The following CADPS2 variants were observed in gnomAD, a reference collection of about 807,000 sequenced individuals.
CADPS2 encodes calcium dependent secretion activator 2.
Under a neutral mutation model 172.5 loss-of-function variants are expected in CADPS2, and 93 were observed. The ratio of observed to expected loss-of-function variants is 0.54; its 90% CI spans 0.46 to 0.64. The LOEUF is 0.64. CADPS2 is among the 30% of genes least tolerant of loss of function. The probability of loss-of-function intolerance (pLI) is 0.00; values close to 1 mark genes in which losing one functional copy is unlikely to be tolerated. For synonymous variants in CADPS2, 546 were observed against 555.2 expected, an observed-to-expected ratio of 0.98 and a Z score of 0.23; for missense variants, 1,420 against 1,565.9, an observed-to-expected ratio of 0.91 and a Z score of 1.57.
chr7:122,323,240 T>C (rs576673381), intron 29 of CADPS2, among the ~76,000 whole-genome samples: 10 of 152,126 alleles, frequency 6.6e-5, no homozygotes, highest in Non-Finnish European at 1.3e-4. Flanking sequence ...ATTAAATGTA[T>C]CAGCCCAAGA....
chr7:122,351,911 A>G (rs957821216), intron 27 of CADPS2, among the ~76,000 whole-genome samples: 4 of 152,212 alleles, frequency 2.6e-5, no homozygotes, highest in African/African-American at 9.6e-5. Context: ...AGTATGTTAC[A>G]TTTTATTATA....
At chr7:122,424,913 G>C (rs2048960503) in intron 17 of CADPS2, among the ~76,000 whole-genome samples, 1 of 151,796 alleles carries the variant, frequency 6.6e-6, no homozygotes, top group Admixed American at 6.6e-5. Context: ...CTGTGTTATA[G>C]GATTTTAATG....
chr7:122,604,070 G>T (rs1274996790), intron 6 of CADPS2, among the ~76,000 whole-genome samples: 2 of 151,942 alleles, frequency 1.3e-5, no homozygotes, highest in East Asian at 1.9e-4. Flanking sequence ...ATCTTTATTT[G>T]TTAAGTAGAT....
At position 122,803,478 on chromosome 7, in the gene CADPS2, T is replaced by C. The variant is rs544726761; in HGVS notation, c.340-66410A>G. ...AAAGAACGCTACATTGCTGCCTCTG[T>C]GACACAGAGCTTGCCATTTTCTATG... On this transcript the variant is annotated intron_variant, in intron 1 of 29. Transcript: ENST00000449022. Among the ~76,000 whole-genome samples, 144 of 152,274 alleles carry C rather than the reference T, an allele frequency of 9.5e-4. 2 individuals are homozygous for C. Among genetic ancestry groups the C allele is most frequent in the African/African-American group, 3.3e-3 (139 of 41,558 alleles).
At chr7:122,514,214 G>A (rs2060192157) in intron 8 of CADPS2, among the ~76,000 whole-genome samples, 1 of 151,988 alleles carries the variant, frequency 6.6e-6, no homozygotes, top group South Asian at 2.1e-4. Flanking sequence ...TATGACAGAG[G>A]CCTAATTTTA....
At chr7:122,436,451 C>T (rs2050656185) in intron 17 of CADPS2, 1 of 815,432 alleles carries the variant, frequency 1.2e-6, no homozygotes, top group Middle Eastern at 2.8e-4. Context: ...ATGTAAAAGG[C>T]CACTTTCTAA....
In CADPS2 at chr7:122,484,559, G is replaced by A. The variant is rs186220980; in HGVS notation, c.1853-3699C>T. Among the ~76,000 whole-genome samples the A allele has an allele frequency of 6.0e-5, 9 of 149,172 alleles. No homozygotes were observed. The East Asian group carries it at 1.6e-3, about 26-fold the overall frequency. On this transcript the variant is annotated intron_variant, in intron 11 of 29. Coordinates refer to ENST00000449022, the MANE Select transcript of CADPS2 (RefSeq NM_017954.11). ...GTAAAATTTCTAGAAGAAAGCAAAGGAGAAAATGTTTGCAATTTGGGTTAG... is the reference window on the plus strand; with the variant it reads ...GTAAAATTTCTAGAAGAAAGCAAAGAAGAAAATGTTTGCAATTTGGGTTAG...
chr7:122,881,481 T>G (rs1822918652), intron 1 of CADPS2, among the ~76,000 whole-genome samples: 1 of 152,202 alleles, frequency 6.6e-6, no homozygotes, highest in African/African-American at 2.4e-5. Context: ...TTTACTTTAA[T>G]ACGTGGTTTC....
intron 25 of CADPS2, among the ~76,000 whole-genome samples, chr7:122,366,189 TTAAAAA>T (rs1246036955): frequency 6.6e-6 from 1 of 151,290 alleles, no homozygotes; most frequent in African/African-American, 2.4e-5. Flanking sequence ...CTTTTAAAAA[TTAAAAA>T]TAAACTTGTT....
At position 122,645,255 on chromosome 7, in the gene CADPS2, G is replaced by A. The variant is rs533221940; in HGVS notation, c.787-15927C>T. Among the ~76,000 whole-genome samples the A allele has an allele frequency of 9.5e-3, 1,270 of 133,476 alleles. 17 individuals carry two copies. The highest frequency in any genetic ancestry group is 0.017 in the South Asian group (71 of 4,190). 87.6% of individuals were successfully genotyped at this position (133,476 alleles called of 152,430 possible). On this transcript the variant is annotated intron_variant, in intron 3 of 29. Transcript: ENST00000449022. ...AGTATATATATACACACATGTACAT[G>A]TGTGTATACATGTACATATATACAC...
chr7:122,713,593 T>C (rs1412028759), intron 2 of CADPS2, among the ~76,000 whole-genome samples: 1 of 151,830 alleles, frequency 6.6e-6, no homozygotes, highest in Non-Finnish European at 1.5e-5. Flanking sequence ...ATCTTAACAA[T>C]TGTAAGGAAG....
intron 2 of CADPS2, chr7:122,697,597 G>C (rs550964731): frequency 1.9e-6 from 1 of 515,670 alleles, no homozygotes. Context: ...ACTTAGCAAA[G>C]GTCCAAAATT....
intron 11 of CADPS2, among the ~76,000 whole-genome samples, chr7:122,488,171 C>G (rs984308071): frequency 3.3e-5 from 5 of 152,046 alleles, no homozygotes; most frequent in African/African-American, 1.2e-4. Flanking sequence ...AATAGATCAG[C>G]TGGATGGAAG....
intron 7 of CADPS2, among the ~76,000 whole-genome samples, chr7:122,579,516 A>G (rs916882894): frequency 6.7e-6 from 1 of 148,810 alleles, no homozygotes; most frequent in East Asian, 2.0e-4. Context: ...CTGCTTAACT[A>G]TATTATTTGA....
At chr7:122,639,776 G>C (rs776100063) in intron 3 of CADPS2, among the ~76,000 whole-genome samples, 10 of 152,104 alleles carry the variant, frequency 6.6e-5, no homozygotes, top group Non-Finnish European at 1.0e-4. Flanking sequence ...TAGGAAACTG[G>C]AGATGTGGTC....
At chr7:122,373,781 T>C (rs1269360706) in intron 25 of CADPS2, among the ~76,000 whole-genome samples, 1 of 152,166 alleles carries the variant, frequency 6.6e-6, no homozygotes, top group Non-Finnish European at 1.5e-5. Flanking sequence ...CAAAAGTGAA[T>C]TCTACCAAAC....
chr7:122,826,854 AT>A (rs1489390178), intron 1 of CADPS2, among the ~76,000 whole-genome samples: 1 of 152,144 alleles, frequency 6.6e-6, no homozygotes, highest in Non-Finnish European at 1.5e-5. Flanking sequence ...AATGTCTACA[AT>A]AACCTAATCT....
At chr7:122,738,861 A>G (rs2092325925) in intron 1 of CADPS2, among the ~76,000 whole-genome samples, 4 of 151,746 alleles carry the variant, frequency 2.6e-5, no homozygotes, top group Admixed American at 2.6e-4. Context: ...GGGAAAAAAA[A>G]AAAAAAAAAA....
intron 1 of CADPS2, among the ~76,000 whole-genome samples, chr7:122,824,135 GA>G (rs1215384799): frequency 6.6e-5 from 10 of 151,964 alleles, no homozygotes; most frequent in African/African-American, 1.7e-4. Context: ...AAATAAAGTT[GA>G]AAAAAATATA....
Sources: gnomAD v4.1 joint callset for allele counts (sites outside exome capture counted in the v4.1 genomes callset) on GRCh38, gnomAD v4.1.1 for gene constraint, MANE v1.5 for transcripts, NCBI Gene and HGNC (gene_info 2026-07-23, HGNC 2026-07-21) for gene names.